The following NPL variants were observed in gnomAD, a reference collection of about 807,000 sequenced individuals.
NPL encodes the protein N-acetylneuraminate lyase.
In NPL, 32 loss-of-function variants were observed where a neutral mutation model predicts 41.1. The ratio of observed to expected loss-of-function variants is 0.78; its 90% confidence interval spans 0.59 to 1.05. The LOEUF is 1.05. Ranked by LOEUF, NPL falls within the 50% of genes least tolerant of loss-of-function variation. The probability of loss-of-function intolerance (pLI) is 0.00; values close to 1 mark genes in which losing one functional copy is unlikely to be tolerated. For synonymous variants in NPL, 128 were observed against 134.9 expected, an observed-to-expected ratio of 0.95 and a Z score of 0.35; for missense variants, 321 against 378.4, an observed-to-expected ratio of 0.85 and a Z score of 1.26.
chr1:182,794,258 C>A, intron 2 of NPL, 98 bp from the exon 3 acceptor site: 1 of 1,019,840 alleles, frequency 9.8e-7, no homozygotes, highest in Non-Finnish European at 1.6e-6. Context: ...TACTTGTAAG[C>A]ACATTTTACA....
chr1:182,806,105 G>T (rs755898471), intron 4 of NPL, 40 bp from the exon 5 acceptor site: 1 of 1,613,424 alleles, frequency 6.2e-7, no homozygotes, highest in African/African-American at 1.3e-5. Flanking sequence ...AGAAGCAGAG[G>T]TGCTCCTTGG....
intron 5 of NPL, among the ~76,000 whole-genome samples, chr1:182,811,072 A>G (rs1320253713): frequency 6.7e-6 from 1 of 149,018 alleles, no homozygotes; most frequent in Non-Finnish European, 1.5e-5. Flanking sequence ...ATCTAAGTCA[A>G]CAATTAGCCA....
rs760135095 is a variant in NPL, at chr1:182,794,405, G to T, written c.34G>T (p.Val12Leu). The T allele has an allele frequency of 6.2e-7, 1 of 1,614,204 alleles. No homozygotes were observed. The highest frequency in any genetic ancestry group is 1.6e-4 in the Middle Eastern group (1 of 6,062). The stretch of plus-strand genomic sequence containing the variant: ...CCCAAAGAAGAAACTTCAGGGTCTT[G>T]TGGCTGCAACCATCACGCCAATGAC... ...AFPKKKLQGLVAATITPMTEN... is the reference protein window; with the variant it reads ...AFPKKKLQGLLAATITPMTEN... The change falls in exon 3 of 13, where the codon GTG becomes TTG. Residue 12 changes from valine (V) to leucine (L), a missense_variant. Physicochemically the swap from Val to Leu is conservative, Grantham distance 32. Transcript: ENST00000367553.
rs759375168 is a variant in NPL, at chr1:182,812,136, C to G, written c.231-20C>G. ...TGCCTCTAAACTCTAAGCGATGCAG[C>G]AGTGTTTTTTCTTTTGCAGGCTGGA... On this transcript the variant is annotated intron_variant, in intron 5 of 12. Transcript: ENST00000367553. The G allele has an allele frequency of 5.0e-6, 8 of 1,613,144 alleles. No individual in the cohort carries two copies. Among genetic ancestry groups the G allele is most frequent in the Admixed American group, 1.7e-5 (1 of 59,984 alleles).
At chr1:182,824,411 A>G (rs921876503) in intron 11 of NPL, among the ~76,000 whole-genome samples, 1 of 152,226 alleles carries the variant, frequency 6.6e-6, no homozygotes, top group Admixed American at 6.5e-5. Flanking sequence ...TTTTATTTCT[A>G]GTATACAGTC....
Position 182,818,661 on chromosome 1 carries a change from A to C in NPL, c.578A>C (p.Gln193Pro), listed in dbSNP as rs1170336197. The C allele has an allele frequency of 6.2e-7, 1 of 1,614,074 alleles. No homozygotes were observed. Among genetic ancestry groups the C allele is most frequent in the Non-Finnish European group, 8.5e-7 (1 of 1,180,042 alleles). Residue 193 changes from glutamine (Q) to proline (P), a missense_variant, in exon 9 of 13, where the codon CAG becomes CCG. By Grantham distance (76) the Gln-to-Pro change is moderately conservative (BLOSUM62 -1). Coordinates refer to ENST00000367553, the MANE Select transcript of NPL (RefSeq NM_030769.3). ...TGTGTTGATCAGAATCGCCAGCAAC[A>C]GTTTGCTTTCCTTTTTGGGGTGGAT... ...GQCVDQNRQQ[Q>P]FAFLFGVDEQ... is the part of the protein sequence containing the mutation.
intron 3 of NPL, among the ~76,000 whole-genome samples, chr1:182,795,368 G>A (rs1666630966): frequency 6.6e-6 from 1 of 152,156 alleles, no homozygotes; most frequent in Non-Finnish European, 1.5e-5. Flanking sequence ...GGGTCAATAC[G>A]CACTTAGGTC....
intron 4 of NPL, 111 bp downstream of exon 4, chr1:182,803,882 A>G (rs1666927675): frequency 2.4e-6 from 2 of 841,246 alleles, no homozygotes; most frequent in Non-Finnish European, 4.1e-6. Flanking sequence ...ACAGGTTATG[A>G]TGGAGCCTGG....
intron 10 of NPL, among the ~76,000 whole-genome samples, chr1:182,819,588 G>A (rs934759607): frequency 5.3e-5 from 8 of 151,974 alleles, no homozygotes; most frequent in African/African-American, 1.7e-4. Context: ...TCCAGCCTGG[G>A]TGACAGAGTG....
At chr1:182,801,836 CCAAAAAAA>C (rs1457656254) in intron 3 of NPL, among the ~76,000 whole-genome samples, 1 of 151,492 alleles carries the variant, frequency 6.6e-6, no homozygotes, top group Non-Finnish European at 1.5e-5. Flanking sequence ...GACCTTGTCT[CCAAAAAAA>C]CAAAAAAATG....
intron 8 of NPL, among the ~76,000 whole-genome samples, chr1:182,818,228 T>C (rs1667389232): frequency 6.6e-6 from 1 of 152,214 alleles, no homozygotes; most frequent in Non-Finnish European, 1.5e-5. Flanking sequence ...GACCAAGTAT[T>C]AGAATAAAAT....
intron 4 of NPL, among the ~76,000 whole-genome samples, chr1:182,805,818 C>G (rs146907538): frequency 2.0e-5 from 3 of 152,226 alleles, no homozygotes; most frequent in Non-Finnish European, 4.4e-5. Flanking sequence ...GATTTCCCTG[C>G]CATTCAAGCC....
chr1:182,824,305 A>C (rs967791633), intron 11 of NPL, among the ~76,000 whole-genome samples: 11 of 152,284 alleles, frequency 7.2e-5, no homozygotes, highest in African/African-American at 2.7e-4. Flanking sequence ...GGAAAAAAGC[A>C]GCAAAATATA....
At chr1:182,815,299 A>C (rs1667292307) in intron 7 of NPL, among the ~76,000 whole-genome samples, 1 of 152,236 alleles carries the variant, frequency 6.6e-6, no homozygotes, top group Non-Finnish European at 1.5e-5. Context: ...TGCCTTCTAG[A>C]ATACCAAAGT....
At position 182,828,720 on chromosome 1, in the gene NPL, C is replaced by T. The variant is rs762187927; in HGVS notation, c.779-4C>T. The T allele has an allele frequency of 6.2e-6, 10 of 1,613,988 alleles. No homozygotes were observed. Among genetic ancestry groups the T allele is most frequent in the Middle Eastern group, 1.6e-4 (1 of 6,084 alleles). On this transcript the variant is annotated splice_polypyrimidine_tract_variant and splice_region_variant and intron_variant, in intron 12 of 12. Coordinates refer to ENST00000367553, the MANE Select transcript of NPL (RefSeq NM_030769.3). This position sits in a 1 kb window ranked among gnomAD's most constrained non-coding sequence, Gnocchi z 4.0. ...ATGTTTCCTCATTTGTTTTTCCCGT[C>T]TAGGTTTTGGAGTGTCACAGACCAA...
At position 182,790,652 on chromosome 1, in the gene NPL, G is replaced by A. The variant is rs570295793; in HGVS notation, c.-72+847G>A. Among the ~76,000 whole-genome samples the A allele has an allele frequency of 3.4e-5, 5 of 147,204 alleles. No homozygotes were observed. The South Asian group carries it at 1.1e-3, about 32-fold the overall frequency. ...TGTTGTTGTTGTTGTTGTTGTTGTT[G>A]TTGTTTTTGAGACGGAGTCTCGCTC... On this transcript the variant is annotated intron_variant, in intron 1 of 12. Transcript: ENST00000367553.
chr1:182,814,552 C>A (rs2275173), intron 6 of NPL, among the ~76,000 whole-genome samples: 6,485 of 152,210 alleles, frequency 0.043, 224 homozygotes, highest in South Asian at 0.14. Context: ...TTTGTACTGA[C>A]AAAATATGAA....
rs1476417454 is a variant in NPL, at chr1:182,816,626, T to G, written c.365-88T>G. The G allele has an allele frequency of 3.3e-6, 3 of 905,722 alleles. No individual in the cohort carries two copies. The East Asian group carries it at 7.5e-5, about 23-fold the overall frequency. The allele number at this position is 905,722 out of a possible 1,614,324, so 56.1% of individuals were successfully genotyped here. A position where few individuals can be genotyped will look rare whatever the true frequency, so the allele number is the denominator to read the frequency against. ...ATTTGAGGCTTCTGAGAAACATGGT[T>G]GTGTTTCATCAGATGATTCTCTTTT... On this transcript the variant is annotated intron_variant, in intron 7 of 12. Transcript: ENST00000367553.
intron 8 of NPL, among the ~76,000 whole-genome samples, chr1:182,817,856 G>A (rs1333790434): frequency 1.3e-5 from 2 of 152,202 alleles, no homozygotes; most frequent in South Asian, 2.1e-4. Flanking sequence ...GCACCTTCAC[G>A]TATTCAGCAA....
Sources: allele counts gnomAD v4.1 joint callset (sites outside exome capture counted in the v4.1 genomes callset), GRCh38; gene constraint gnomAD v4.1.1; non-coding constraint Gnocchi (gnomAD v3.1); transcripts MANE v1.5; gene names NCBI Gene and HGNC (gene_info 2026-07-23, HGNC 2026-07-21).